HGD: variants seen among roughly 807,000 people sequenced by gnomAD.
HGD encodes homogentisate oxidase.
Under a neutral mutation model 60.8 loss-of-function variants are expected in HGD, and 61 were observed. That is an observed-to-expected ratio of 1.00 (90% CI 0.82 to 1.24). The LOEUF is 1.24. Ranked by LOEUF, HGD falls within the 50% of genes most tolerant of loss-of-function variation. The pLI is 0.00. For synonymous variants in HGD, 212 were observed against 187.7 expected (o/e 1.13, Z -1.06); for missense variants, 542 against 547.1 (o/e 0.99, Z 0.09).
intron 6 of HGD, among the ~76,000 whole-genome samples, chr3:120,648,187 T>G (rs1001453957): frequency 2.1e-4 from 32 of 152,224 alleles, no homozygotes; most frequent in African/African-American, 7.7e-4. Context: ...TTGGTTAGTT[T>G]GAAGAATCAG....
intron 1 of HGD, among the ~76,000 whole-genome samples, chr3:120,676,260 T>C (rs1037659461): frequency 2.0e-5 from 3 of 152,328 alleles, no homozygotes; most frequent in South Asian, 2.1e-4. Context: ...CAAACTAGCC[T>C]TGCTGTAGGC....
chr3:120,669,502 A>C lies in HGD; in HGVS notation c.282+925T>G, dbSNP rs1222871054. Among the ~76,000 whole-genome samples the C allele has an allele frequency of 1.3e-5, 2 of 150,908 alleles. 1 individual carries two copies. Among genetic ancestry groups the C allele is most frequent in the Non-Finnish European group, 3.0e-5 (2 of 67,778 alleles). ...ACACACACACGCAGACTGTTAATCAAGTTTGTCCTAAAGTTGCCTCCTTAC... is the reference window on the plus strand; with the variant it reads ...ACACACACACGCAGACTGTTAATCACGTTTGTCCTAAAGTTGCCTCCTTAC... On this transcript the variant is annotated intron_variant, in intron 4 of 13. Coordinates refer to ENST00000283871, the MANE Select transcript of HGD (RefSeq NM_000187.4).
intron 9 of HGD, chr3:120,644,658 C>T: frequency 6.6e-7 from 1 of 1,506,990 alleles, no homozygotes; most frequent in Non-Finnish European, 8.9e-7. Context: ...GCATTACTTT[C>T]TAAGGTTGTG....
Position 120,628,274 on chromosome 3 carries a change from GAATTTTCATTTTA to G in HGD, c.*93_*105del. On this transcript the variant is annotated 3_prime_UTR_variant, in exon 14 of 14. Transcript: ENST00000283871. ...TCTGAGTTACTTGACTATGAAAAGT[GAATTTTCATTTTA>G]ACCAACCCCCTCCTCCAATACTACC... 1 of 1,298,350 alleles carries G rather than the reference GAATTTTCATTTTA, an allele frequency of 7.7e-7. No individual in the cohort carries two copies. The highest frequency in any genetic ancestry group is 1.1e-6 in the Non-Finnish European group (1 of 899,758). The allele number at this position is 1,298,350 out of a possible 1,614,324, so 80.4% of individuals were successfully genotyped here. A position where few individuals can be genotyped will look rare whatever the true frequency, so the allele number is the denominator to read the frequency against.
At chr3:120,664,227 G>A (rs1220695130) in intron 4 of HGD, among the ~76,000 whole-genome samples, 2 of 152,110 alleles carry the variant, frequency 1.3e-5, no homozygotes, top group East Asian at 3.9e-4. Flanking sequence ...GAAGAGCTTG[G>A]GGAAGGTGAG....
intron 3 of HGD, 45 bp from the exon 4 acceptor site, chr3:120,670,577 T>G: frequency 9.2e-7 from 1 of 1,091,008 alleles, no homozygotes; most frequent in Non-Finnish European, 1.4e-6. Context: ...AGAGTAATGT[T>G]CTGAGTGATA....
chr3:120,670,055 A>C (rs1481912662), intron 4 of HGD, among the ~76,000 whole-genome samples: 3 of 152,180 alleles, frequency 2.0e-5, no homozygotes, highest in Non-Finnish European at 2.9e-5. Flanking sequence ...AAGATATGAT[A>C]GTTTTATAAG....
At chr3:120,642,645 G>A (rs961699703) in intron 10 of HGD, among the ~76,000 whole-genome samples, 9 of 152,200 alleles carry the variant, frequency 5.9e-5, no homozygotes, top group East Asian at 3.8e-4. Context: ...GGACAGAAGC[G>A]TGCATATCAG....
At chr3:120,677,510 G>A (rs566094922) in intron 1 of HGD, among the ~76,000 whole-genome samples, 30 of 152,158 alleles carry the variant, frequency 2.0e-4, no homozygotes, top group African/African-American at 6.5e-4. Flanking sequence ...GGAAATTCCC[G>A]CCTAATAAAT....
chr3:120,649,139 CTTTTT>C (rs10572267), intron 6 of HGD, among the ~76,000 whole-genome samples: 5 of 94,420 alleles, frequency 5.3e-5, no homozygotes, highest in Non-Finnish European at 1.1e-4. Flanking sequence ...TCTTCTTTTT[CTTTTT>C]TTTTTTTTTT....
chr3:120,677,332 G>A (rs2091842), intron 1 of HGD, among the ~76,000 whole-genome samples: 117 of 152,214 alleles, frequency 7.7e-4, no homozygotes, highest in East Asian at 1.7e-3. Context: ...GAGAAATATC[G>A]CTGAATTCTT....
At chr3:120,658,298 C>T (rs909978769) in intron 4 of HGD, among the ~76,000 whole-genome samples, 10 of 152,220 alleles carry the variant, frequency 6.6e-5, no homozygotes, top group African/African-American at 1.4e-4. Flanking sequence ...TAGGTAAATA[C>T]TTCCATTTCA....
chr3:120,635,580 A>G (rs1053606833), intron 12 of HGD, among the ~76,000 whole-genome samples: 1 of 152,002 alleles, frequency 6.6e-6, no homozygotes, highest in Non-Finnish European at 1.5e-5. Context: ...TTCTCTTATA[A>G]TAAAGTCACA....
chr3:120,670,186 G>A (rs1383873272), intron 4 of HGD: 6 of 540,122 alleles, frequency 1.1e-5, no homozygotes, highest in Non-Finnish European at 2.0e-5. Context: ...ATGCAGAACT[G>A]TGAGTCAATT....
intron 9 of HGD, among the ~76,000 whole-genome samples, chr3:120,644,877 G>A (rs2107507976): frequency 6.6e-6 from 1 of 150,804 alleles, no homozygotes; most frequent in African/African-American, 2.4e-5. Flanking sequence ...TGTTGCCTAA[G>A]GCATGCCTCT....
chr3:120,653,401 G>A (rs143459574), intron 4 of HGD, among the ~76,000 whole-genome samples: 28 of 152,164 alleles, frequency 1.8e-4, no homozygotes, highest in Non-Finnish European at 2.2e-4. Flanking sequence ...AAGCCCAGCT[G>A]CCACGTTTCA....
chr3:120,673,742 A>G (rs1708070810), intron 3 of HGD, among the ~76,000 whole-genome samples: 1 of 152,200 alleles, frequency 6.6e-6, no homozygotes, highest in Non-Finnish European at 1.5e-5. Context: ...GGCAATACTT[A>G]ATGATAGTTA....
chr3:120,651,442 C>T (rs1941339322), intron 5 of HGD, among the ~76,000 whole-genome samples: 1 of 152,168 alleles, frequency 6.6e-6, no homozygotes, highest in African/African-American at 2.4e-5. Flanking sequence ...AGCCCCAAAC[C>T]TGCAGATGGA....
At chr3:120,663,154 G>A (rs950490994) in intron 4 of HGD, among the ~76,000 whole-genome samples, 12 of 152,094 alleles carry the variant, frequency 7.9e-5, no homozygotes, top group Admixed American at 1.3e-4. Flanking sequence ...ACAATACAGA[G>A]GGGAAGGGGA....
Sources: allele counts gnomAD v4.1 joint callset (sites outside exome capture counted in the v4.1 genomes callset), GRCh38; gene constraint gnomAD v4.1.1; transcripts MANE v1.5; gene names NCBI Gene and HGNC (gene_info 2026-07-23, HGNC 2026-07-21).